Variants in SGCZ observed in about 807,000 individuals in gnomAD.
SGCZ encodes sarcoglycan zeta.
Under a neutral mutation model 41.3 loss-of-function variants are expected in SGCZ, and 40 were observed. The observed-to-expected ratio is 0.97, with a 90% CI of 0.75 to 1.26. The LOEUF is 1.26. Ranked by LOEUF, SGCZ falls within the 50% of genes most tolerant of loss-of-function variation. The probability of loss-of-function intolerance (pLI) is 0.00; values close to 1 mark genes in which losing one functional copy is unlikely to be tolerated. For synonymous variants in SGCZ, 206 were observed against 137.5 expected, an observed-to-expected ratio of 1.50 and a Z score of -3.49; for missense variants, 552 against 369.8, an observed-to-expected ratio of 1.49 and a Z score of -4.04.
At chr8:14,815,967 T>C (rs1422585463) in intron 1 of SGCZ, among the ~76,000 whole-genome samples, 3 of 152,192 alleles carry the variant, frequency 2.0e-5, no homozygotes, top group African/African-American at 7.2e-5. Flanking sequence ...AAAAATATAA[T>C]GTGAGCCATT....
chr8:15,118,272 T>A (rs1288563482), intron 1 of SGCZ, among the ~76,000 whole-genome samples: 1 of 152,208 alleles, frequency 6.6e-6, no homozygotes, highest in Non-Finnish European at 1.5e-5. Flanking sequence ...GGGCAAAGAT[T>A]TGAGGAAATG....
At chr8:14,865,811 G>A (rs1803912253) in intron 1 of SGCZ, among the ~76,000 whole-genome samples, 1 of 152,008 alleles carries the variant, frequency 6.6e-6, no homozygotes, top group Non-Finnish European at 1.5e-5. Context: ...GAATTCTCTG[G>A]TGAATCTCTT....
intron 1 of SGCZ, among the ~76,000 whole-genome samples, chr8:15,121,123 G>A (rs998965822): frequency 5.9e-5 from 9 of 152,006 alleles, no homozygotes; most frequent in African/African-American, 1.4e-4. Context: ...ATTAGTATTC[G>A]CACTCAATGT....
chr8:14,737,211 T>C (rs1226962590), intron 1 of SGCZ, among the ~76,000 whole-genome samples: 1 of 150,334 alleles, frequency 6.7e-6, no homozygotes, highest in Admixed American at 6.7e-5. Context: ...GGATAAATGA[T>C]ATTTTTCTTT....
intron 2 of SGCZ, among the ~76,000 whole-genome samples, chr8:14,441,399 AC>A (rs201226511): frequency 0.012 from 1,880 of 152,118 alleles, 24 homozygotes; most frequent in East Asian, 0.074. Flanking sequence ...ACATGGTGAA[AC>A]CCCGTCTCTA....
Position 14,302,004 on chromosome 8 carries a change from A to G in SGCZ, c.336+22099T>C, listed in dbSNP as rs149171593. On this transcript the variant is annotated intron_variant, in intron 3 of 7. Coordinates refer to ENST00000382080, the MANE Select transcript of SGCZ (RefSeq NM_139167.4). Reference sequence around the variant, plus strand: ...CCCCAATTATTTAGAAATATCTGTCAACTTCTTTACACTGATTTACAAAGA... The same window carrying G: ...CCCCAATTATTTAGAAATATCTGTCGACTTCTTTACACTGATTTACAAAGA... 3.2e-3 allele frequency among the ~76,000 whole-genome samples: 486 copies of G among 152,282 alleles called. 3 individuals carry two copies. Among genetic ancestry groups the G allele is most frequent in the African/African-American group, 0.011 (464 of 41,576 alleles).
intron 2 of SGCZ, among the ~76,000 whole-genome samples, chr8:14,368,625 G>C (rs1428376505): frequency 6.6e-6 from 1 of 151,844 alleles, no homozygotes; most frequent in Non-Finnish European, 1.5e-5. Flanking sequence ...AAGGCAGAGA[G>C]TTTTTTGAAA....
At chr8:14,432,131 G>C (rs1488995331) in intron 2 of SGCZ, among the ~76,000 whole-genome samples, 1 of 152,138 alleles carries the variant, frequency 6.6e-6, no homozygotes, top group East Asian at 1.9e-4. Flanking sequence ...GAGATTCTTT[G>C]AAGAACTAAA....
At chr8:15,018,260 C>G (rs1803115262) in intron 1 of SGCZ, among the ~76,000 whole-genome samples, 1 of 152,130 alleles carries the variant, frequency 6.6e-6, no homozygotes, top group African/African-American at 2.4e-5. Flanking sequence ...CTGTTCTAAG[C>G]TCAGAGATGT....
intron 5 of SGCZ, among the ~76,000 whole-genome samples, chr8:14,142,863 T>C (rs375965375): frequency 3.1e-4 from 47 of 152,186 alleles, no homozygotes; most frequent in African/African-American, 1.1e-3. Flanking sequence ...GCCCCAGCCA[T>C]GTAAGATGTG....
chr8:14,891,325 T>A (rs988432336), intron 1 of SGCZ, among the ~76,000 whole-genome samples: 13 of 152,158 alleles, frequency 8.5e-5, no homozygotes, highest in African/African-American at 2.4e-4. Flanking sequence ...ATAGAAACAT[T>A]AACAGAAGTT....
chr8:15,032,461 G>C lies in SGCZ; in HGVS notation c.39+205124C>G, dbSNP rs1024902101. The stretch of plus-strand genomic sequence containing the variant: ...CACTTTGCCTTGGACCCAACACCAG[G>C]CCCACTCTAGTAAAATGCAGTGCCA... On this transcript the variant is annotated intron_variant, in intron 1 of 7. Coordinates refer to ENST00000382080, the MANE Select transcript of SGCZ (RefSeq NM_139167.4). 1.3e-5 allele frequency among the ~76,000 whole-genome samples: 2 copies of C among 152,034 alleles called. 1 individual carries two copies. The highest frequency in any genetic ancestry group is 3.9e-4 in the East Asian group (2 of 5,156).
intron 1 of SGCZ, among the ~76,000 whole-genome samples, chr8:14,694,607 A>G (rs1585188287): frequency 6.6e-6 from 1 of 152,296 alleles, no homozygotes; most frequent in South Asian, 2.1e-4. Context: ...TTTCTGTGGG[A>G]AAAAAGGACT....
chr8:15,228,254 A>T (rs17121154), intron 1 of SGCZ, among the ~76,000 whole-genome samples: 20,771 of 152,186 alleles, frequency 0.14, 1,837 homozygotes, highest in African/African-American at 0.25. Context: ...CCTTGCCACA[A>T]GCCAAAAATA....
intron 1 of SGCZ, among the ~76,000 whole-genome samples, chr8:14,975,428 T>A (rs1585428367): frequency 6.6e-6 from 1 of 152,298 alleles, no homozygotes; most frequent in East Asian, 1.9e-4. Flanking sequence ...AGCCTGGATG[T>A]GTAAATAACA....
At chr8:14,305,614 T>C (rs1461475205) in intron 3 of SGCZ, among the ~76,000 whole-genome samples, 2 of 152,194 alleles carry the variant, frequency 1.3e-5, no homozygotes, top group African/African-American at 2.4e-5. Context: ...GAGAGTGTTA[T>C]TACTAAACTA....
At chr8:14,161,464 T>C (rs895742719) in intron 5 of SGCZ, 3 of 152,114 alleles carry the variant, frequency 2.0e-5, no homozygotes, top group African/African-American at 4.8e-5. Flanking sequence ...AGAAATGTGA[T>C]TGGATAGTGA....
chr8:14,200,188 A>C (rs1355783619), intron 4 of SGCZ, among the ~76,000 whole-genome samples: 1 of 152,196 alleles, frequency 6.6e-6, no homozygotes, highest in African/African-American at 2.4e-5. Flanking sequence ...GAAAGCTTCA[A>C]ATTACTAAAG....
At chr8:14,569,134 T>C (rs1410709392) in intron 1 of SGCZ, among the ~76,000 whole-genome samples, 1 of 152,196 alleles carries the variant, frequency 6.6e-6, no homozygotes, top group Admixed American at 6.5e-5. Context: ...AATACTACTG[T>C]AAATTAGGAG....
Sources: gnomAD v4.1 joint callset for allele counts (sites outside exome capture counted in the v4.1 genomes callset) on GRCh38, gnomAD v4.1.1 for gene constraint, MANE v1.5 for transcripts, NCBI Gene and HGNC (gene_info 2026-07-23, HGNC 2026-07-21) for gene names.